Variants in CDK14 observed in about 807,000 individuals in gnomAD.
CDK14 encodes cyclin dependent kinase 14.
A neutral mutation model predicts 60.7 loss-of-function variants in CDK14; 34 were observed. That is an observed-to-expected ratio of 0.56 (90% CI 0.43 to 0.75). The LOEUF (loss-of-function observed/expected upper bound fraction) is 0.75. CDK14 is among the 30% of genes least tolerant of loss of function. The pLI, the probability that CDK14 is intolerant of heterozygous loss-of-function variation, is 0.00. For synonymous variants in CDK14, 197 were observed against 203.7 expected (o/e 0.97, Z 0.28); for missense variants, 482 against 564.1 (o/e 0.85, Z 1.47).
At chr7:90,866,738 T>C (rs1584063199) in intron 6 of CDK14, among the ~76,000 whole-genome samples, 2 of 152,182 alleles carry the variant, frequency 1.3e-5, no homozygotes, top group Admixed American at 1.3e-4. Context: ...ATTTTAGGTT[T>C]TATAAAAGCC....
chr7:90,714,975 A>C (rs1021535120), intron 2 of CDK14, among the ~76,000 whole-genome samples: 2 of 152,082 alleles, frequency 1.3e-5, no homozygotes, highest in Admixed American at 1.3e-4. Flanking sequence ...AATATTTATA[A>C]TCTTTATTTT....
chr7:91,125,941 A>G (rs1562915561), intron 14 of CDK14, among the ~76,000 whole-genome samples: 2 of 152,314 alleles, frequency 1.3e-5, no homozygotes, highest in African/African-American at 4.8e-5. Flanking sequence ...AAATGGGGCT[A>G]TTGGCCTAAT....
rs917367355 is a variant in CDK14 at position 91,039,751 on chromosome 7, A to G, written c.1042-6146A>G. 4.0e-5 allele frequency among the ~76,000 whole-genome samples: 6 copies of G among 151,802 alleles called. No homozygotes were observed. The East Asian group carries it at 1.2e-3, about 29-fold the overall frequency. On this transcript the variant is annotated intron_variant, in intron 10 of 14. Transcript: ENST00000380050. ...TTTCCCCTTCCCCTTAATATACTCCATCCTTTCAACCTCTGCTTTTTCTAT... is the reference window on the plus strand; with the variant it reads ...TTTCCCCTTCCCCTTAATATACTCCGTCCTTTCAACCTCTGCTTTTTCTAT...
intron 11 of CDK14, among the ~76,000 whole-genome samples, chr7:91,073,484 C>G (rs1414478698): frequency 6.6e-6 from 1 of 152,094 alleles, no homozygotes; most frequent in African/African-American, 2.4e-5. Flanking sequence ...GCCTGTCTTG[C>G]AAGAGCTCCT....
intron 10 of CDK14, among the ~76,000 whole-genome samples, chr7:91,035,626 C>T (rs1796905053): frequency 7.0e-6 from 1 of 143,790 alleles, no homozygotes; most frequent in African/African-American, 2.6e-5. Context: ...ATTTTTGTCC[C>T]TTGTCACATG....
rs1405256822 is a variant in CDK14, at chr7:90,710,340, C to A, written c.124-16227C>A. On this transcript the variant is annotated intron_variant, in intron 2 of 14. Transcript: ENST00000380050. ...AGATCTTACATTTTTTTTTGCCTGG[C>A]TGTGCTTGGCTGAATGCCCTCTGAG... 3 of 984,442 alleles carry A rather than the reference C, an allele frequency of 3.0e-6. No homozygotes were observed. In the African/African-American group the frequency reaches 5.3e-5, roughly 17 times the overall value. The allele number at this position is 984,442 out of a possible 1,614,324, so 61.0% of individuals were successfully genotyped here. A position where few individuals can be genotyped will look rare whatever the true frequency, so the allele number is the denominator to read the frequency against.
Position 90,895,349 on chromosome 7 carries a change from T to TCCCCTCC in CDK14, c.640-3940_640-3939insCCTCCCC, listed in dbSNP as rs1562817488. ...TCCTTTCCTCTCCTCTCCTCTCCTCTCCTCTCCTCACCTCTCCTCCCCTCC... is the reference window on the plus strand; with the variant it reads ...TCCTTTCCTCTCCTCTCCTCTCCTCTCCCCTCCCCTCTCCTCACCTCTCCTCCCCTCC... On this transcript the variant is annotated intron_variant, in intron 6 of 14. Coordinates refer to ENST00000380050, the MANE Select transcript of CDK14 (RefSeq NM_001287135.2). 1.5e-3 allele frequency among the ~76,000 whole-genome samples: 131 copies of TCCCCTCC among 88,712 alleles called. 3 individuals are homozygous for TCCCCTCC. Among genetic ancestry groups the TCCCCTCC allele is most frequent in the African/African-American group, 5.0e-3 (110 of 21,912 alleles). The allele number at this position is 88,712 out of a possible 152,430, so 58.2% of individuals were successfully genotyped here.
At position 90,699,632 on chromosome 7, in the gene CDK14, A is replaced by G. The variant is rs189303020; in HGVS notation, c.124-26935A>G. On this transcript the variant is annotated intron_variant, in intron 2 of 14. Coordinates refer to ENST00000380050, the MANE Select transcript of CDK14 (RefSeq NM_001287135.2). The stretch of plus-strand genomic sequence containing the variant: ...CTGTGATGTTTTCTCTTTCCTCCTT[A>G]TCAAACCTGTTTTAAACCTTAGAGT... 1.4e-4 allele frequency among the ~76,000 whole-genome samples: 21 copies of G among 152,248 alleles called. No individual in the cohort carries two copies. The East Asian group carries it at 4.1e-3, about 29-fold the overall frequency.
chr7:91,116,026 C>T (rs1374447536), intron 13 of CDK14, among the ~76,000 whole-genome samples: 3 of 152,122 alleles, frequency 2.0e-5, no homozygotes, highest in Non-Finnish European at 4.4e-5. Context: ...CTGTCATTCT[C>T]CCTCTGTCCT....
intron 11 of CDK14, among the ~76,000 whole-genome samples, chr7:91,076,378 T>G (rs2116206872): frequency 6.7e-6 from 1 of 149,860 alleles, no homozygotes; most frequent in East Asian, 2.0e-4. Flanking sequence ...TCGACAAACC[T>G]GACAAAAACA....
chr7:91,108,180 A>T (rs368548010), intron 12 of CDK14, among the ~76,000 whole-genome samples: 30 of 152,182 alleles, frequency 2.0e-4, no homozygotes, highest in African/African-American at 7.2e-4. Context: ...TGGTGGCGCA[A>T]GCCTGTACTC....
At chr7:90,604,120 A>G in intron 1 of CDK14, 98 bp from the exon 2 acceptor site, 1 of 750,930 alleles carries the variant, frequency 1.3e-6, no homozygotes, top group South Asian at 1.8e-5. Flanking sequence ...TTCTGAAATG[A>G]AAACACCATA....
intron 5 of CDK14, among the ~76,000 whole-genome samples, chr7:90,828,701 A>C (rs1315851000): frequency 1.3e-5 from 2 of 152,156 alleles, no homozygotes; most frequent in Non-Finnish European, 2.9e-5. Flanking sequence ...TTACCCACTG[A>C]CAGAACTGTA....
At chr7:90,722,053 G>A (rs999570685) in intron 2 of CDK14, among the ~76,000 whole-genome samples, 1 of 151,928 alleles carries the variant, frequency 6.6e-6, no homozygotes, top group African/African-American at 2.4e-5. Context: ...TTCTCTTCAT[G>A]CACTCTGGAT....
chr7:90,657,204 G>A (rs778500156), intron 2 of CDK14, among the ~76,000 whole-genome samples: 1 of 152,100 alleles, frequency 6.6e-6, no homozygotes, highest in Non-Finnish European at 1.5e-5. Context: ...CTATTCAATA[G>A]CCCAAATGGT....
intron 4 of CDK14, among the ~76,000 whole-genome samples, chr7:90,766,988 C>T (rs190018907): frequency 2.6e-5 from 4 of 152,164 alleles, no homozygotes; most frequent in Non-Finnish European, 5.9e-5. Context: ...TGAGCCATGT[C>T]GAGCCATGTA....
At chr7:90,908,338 G>A (rs368820755) in intron 7 of CDK14, among the ~76,000 whole-genome samples, 5 of 152,024 alleles carry the variant, frequency 3.3e-5, no homozygotes, top group African/African-American at 1.2e-4. Context: ...TGATTTGTTC[G>A]TAACAATTTG....
At chr7:90,761,965 TAATC>T (rs1804333012) in intron 4 of CDK14, among the ~76,000 whole-genome samples, 2 of 152,290 alleles carry the variant, frequency 1.3e-5, no homozygotes, top group South Asian at 4.1e-4. Flanking sequence ...AGGCAGAAAT[TAATC>T]AAGTCAGCAG....
chr7:90,656,950 T>G (rs571902797), intron 2 of CDK14, among the ~76,000 whole-genome samples: 65 of 152,340 alleles, frequency 4.3e-4, no homozygotes, highest in African/African-American at 1.5e-3. Context: ...CACATCTCAC[T>G]GCCTTTTGAG....
Sources: gnomAD v4.1 joint callset for allele counts (sites outside exome capture counted in the v4.1 genomes callset) on GRCh38, gnomAD v4.1.1 for gene constraint, MANE v1.5 for transcripts, NCBI Gene and HGNC (gene_info 2026-07-23, HGNC 2026-07-21) for gene names.